DNAAF5: variants seen among roughly 807,000 people sequenced by gnomAD.
DNAAF5 encodes the protein HEAT repeat containing 2.
DNAAF5 carries 64 observed loss-of-function variants against 75.8 expected under a neutral mutation model. That is an observed-to-expected ratio of 0.84 (90% confidence interval 0.69 to 1.04). DNAAF5 has a LOEUF of 1.04. Among genes scored for constraint, DNAAF5 ranks in the 50% least tolerant of loss-of-function variants. The pLI is 0.00. For synonymous variants in DNAAF5, 657 were observed against 557.2 expected (o/e 1.18, Z -2.52); for missense variants, 1,269 against 1,178.5 (o/e 1.08, Z -1.12).
chr7:775,434 T>C (rs1460383067), intron 11 of DNAAF5, among the ~76,000 whole-genome samples: 2 of 151,948 alleles, frequency 1.3e-5, no homozygotes, highest in East Asian at 1.9e-4. Context: ...TAGTCCCAGC[T>C]ACTCAGGAAG....
intron 1 of DNAAF5, among the ~76,000 whole-genome samples, chr7:728,736 C>T (rs1239597776): frequency 2.0e-5 from 3 of 152,326 alleles, no homozygotes; most frequent in Non-Finnish European, 4.4e-5. Context: ...GCGCAGCCTG[C>T]TGGGGTATGT....
chr7:730,634 G>A (rs2128069426), intron 2 of DNAAF5, among the ~76,000 whole-genome samples: 1 of 152,308 alleles, frequency 6.6e-6, no homozygotes, highest in South Asian at 2.1e-4. Flanking sequence ...CTGTGCTGCT[G>A]GGGTCCACCC....
At position 754,868 on chromosome 7, in the gene DNAAF5, T is replaced by G. The variant is rs762999357; in HGVS notation, c.1257+47T>G. On this transcript the variant is annotated intron_variant, in intron 5 of 12. Coordinates refer to ENST00000297440, the MANE Select transcript of DNAAF5 (RefSeq NM_017802.4). This position sits in a 1 kb window ranked among gnomAD's most constrained non-coding sequence, Gnocchi z 4.8. ...GTGGTCGCGGAGCTGTAACTCGAGC[T>G]TAAGATCCCGCCTCTGTGGTGTGCG... is the stretch of plus-strand genomic sequence containing the variant. 7.1e-7 allele frequency: 1 copy of G among 1,399,142 alleles called. No homozygotes were observed. Among genetic ancestry groups the G allele is most frequent in the Non-Finnish European group, 9.8e-7 (1 of 1,018,922 alleles). 86.7% of individuals were successfully genotyped at this position (1,399,142 alleles called of 1,614,324 possible).
rs998571674 is a variant in DNAAF5 at position 735,129 on chromosome 7, G to A, written c.780+5282G>A. Among the ~76,000 whole-genome samples the A allele has an allele frequency of 1.4e-4, 21 of 151,228 alleles. No homozygotes were observed. In the East Asian group the frequency reaches 1.8e-3, roughly 13 times the overall value. ...TCATGGTGTAGCTGCTCACAGTGTC[G>A]CCACTCACGATGTCATTGCTCACGG... On this transcript the variant is annotated intron_variant, in intron 2 of 12. Coordinates refer to ENST00000297440, the MANE Select transcript of DNAAF5 (RefSeq NM_017802.4).
intron 11 of DNAAF5, chr7:778,673 G>C (rs1347260042): frequency 6.6e-6 from 1 of 152,334 alleles, no homozygotes; most frequent in Non-Finnish European, 1.5e-5. Context: ...GTTTGCTAGC[G>C]GGACAAGCTT....
intron 7 of DNAAF5, 91 bp downstream of exon 7, chr7:761,987 C>A: frequency 6.5e-6 from 1 of 152,708 alleles, no homozygotes; most frequent in Non-Finnish European, 1.0e-5. Context: ...CCTATGCATC[C>A]CCTCTGTGCT....
At chr7:751,774 A>G (rs1173599548) in intron 4 of DNAAF5, among the ~76,000 whole-genome samples, 2 of 152,008 alleles carry the variant, frequency 1.3e-5, no homozygotes, top group Admixed American at 6.6e-5. Context: ...GGGTTTCACC[A>G]TGTTAGTCAG....
chr7:741,300 C>A (rs1583482729), intron 3 of DNAAF5, 47 bp from the exon 4 acceptor site: 1 of 1,440,856 alleles, frequency 6.9e-7, no homozygotes. Flanking sequence ...GCGGCCTCCC[C>A]TGCGTGCCCT....
At chr7:728,311 G>T (rs1028868802) in intron 1 of DNAAF5, among the ~76,000 whole-genome samples, 1 of 152,224 alleles carries the variant, frequency 6.6e-6, no homozygotes, top group African/African-American at 2.4e-5. Flanking sequence ...CAGGAAAGCA[G>T]TGAGGGATCT....
At chr7:757,097 C>A in intron 6 of DNAAF5, 103 bp downstream of exon 6, 1 of 1,200,570 alleles carries the variant, frequency 8.3e-7, no homozygotes, top group Non-Finnish European at 1.2e-6. Flanking sequence ...TGCCGCCAGG[C>A]TGGGCTGTCG....
In DNAAF5 at chr7:754,701, G is replaced by A. The variant is rs764842852; in HGVS notation, c.1137G>A (p.Ser379=). ...GGGTGGTGGGGACCCGAGTGAAGTC[G>A]GCACAGCTGCTCCCAGTGCTGCTGC... The part of the protein sequence containing the change: ...TDWVVGTRVK[S]AQLLPVLLLH... The change falls in exon 5 of 13, where the codon TCG becomes TCA. Residue 379 remains serine, a synonymous_variant. Coordinates refer to ENST00000297440, the MANE Select transcript of DNAAF5 (RefSeq NM_017802.4). This position sits in a 1 kb window ranked among gnomAD's most constrained non-coding sequence, Gnocchi z 4.8. The A allele has an allele frequency of 5.6e-6, 9 of 1,613,962 alleles. No homozygotes were observed. The highest frequency in any genetic ancestry group is 4.4e-5 in the South Asian group (4 of 91,088).
intron 6 of DNAAF5, among the ~76,000 whole-genome samples, chr7:760,830 ACT>A (rs1782621751): frequency 6.6e-6 from 1 of 151,962 alleles, no homozygotes; most frequent in South Asian, 2.1e-4. Context: ...CAGAGCTGAG[ACT>A]CCACCTCCCC....
chr7:745,928 G>A (rs940879470), intron 4 of DNAAF5, among the ~76,000 whole-genome samples: 1 of 152,222 alleles, frequency 6.6e-6, no homozygotes, highest in Non-Finnish European at 1.5e-5. Flanking sequence ...AGTTATCCGT[G>A]CCGAGGCGTA....
At chr7:783,589 G>C (rs550992420) in intron 12 of DNAAF5, among the ~76,000 whole-genome samples, 2 of 152,214 alleles carry the variant, frequency 1.3e-5, no homozygotes, top group Non-Finnish European at 2.9e-5. Context: ...GGCGGGGCCC[G>C]TGGTCTCTCC....
chr7:785,903 T>C lies in DNAAF5; in HGVS notation c.*250T>C, dbSNP rs990276834. On this transcript the variant is annotated 3_prime_UTR_variant, in exon 13 of 13. Coordinates refer to ENST00000297440, the MANE Select transcript of DNAAF5 (RefSeq NM_017802.4). ...CAGCTGATTTGAAATTAAAAGTAAG[T>C]CGCAGCCGCTCCTCCCGCAGCCACT... is the stretch of plus-strand genomic sequence containing the variant. 5.0e-5 allele frequency: 23 copies of C among 458,568 alleles called. No individual in the cohort carries two copies. The highest frequency in any genetic ancestry group is 4.4e-4 in the African/African-American group (22 of 50,214). The allele number at this position is 458,568 out of a possible 1,614,324, so 28.4% of individuals were successfully genotyped here. A position where few individuals can be genotyped will look rare whatever the true frequency, so the allele number is the denominator to read the frequency against.
chr7:782,863 G>C (rs1779018991), intron 12 of DNAAF5, among the ~76,000 whole-genome samples: 1 of 151,992 alleles, frequency 6.6e-6, no homozygotes, highest in Non-Finnish European at 1.5e-5. Flanking sequence ...GACCTTCCTG[G>C]CGTGGCCGCG....
chr7:769,547 A>C (rs1562395897), intron 8 of DNAAF5, among the ~76,000 whole-genome samples: 1 of 152,044 alleles, frequency 6.6e-6, no homozygotes, highest in Non-Finnish European at 1.5e-5. Flanking sequence ...CAACGCTGAG[A>C]AGCAGATATT....
In DNAAF5 at chr7:726,868, T is replaced by C; in HGVS notation, c.148T>C (p.Leu50=). 1 of 1,320,270 alleles carries C rather than the reference T, an allele frequency of 7.6e-7. No individual in the cohort carries two copies. The highest frequency in any genetic ancestry group is 9.6e-7 in the Non-Finnish European group (1 of 1,037,694). 81.8% of individuals were successfully genotyped at this position (1,320,270 alleles called of 1,614,324 possible). Residue 50 remains leucine, a synonymous_variant, in exon 1 of 13, where the codon TTG becomes CTG. Coordinates refer to ENST00000297440, the MANE Select transcript of DNAAF5 (RefSeq NM_017802.4). ...ADSKPGRRRA[L]EALRRALEEP... ...CAGCAAGCCGGGCCGGCGGCGCGCCTTGGAGGCCCTGCGGCGCGCGCTGGA... is the reference window on the plus strand; with the variant it reads ...CAGCAAGCCGGGCCGGCGGCGCGCCCTGGAGGCCCTGCGGCGCGCGCTGGA...
intron 6 of DNAAF5, 38 bp downstream of exon 6, chr7:757,032 A>C: frequency 6.4e-7 from 1 of 1,556,740 alleles, no homozygotes. Flanking sequence ...GGAGAGGAGG[A>C]GCCTCCCCTG....
Sources: allele counts gnomAD v4.1 joint callset (sites outside exome capture counted in the v4.1 genomes callset), GRCh38; gene constraint gnomAD v4.1.1; non-coding constraint Gnocchi (gnomAD v3.1); transcripts MANE v1.5; gene names NCBI Gene and HGNC (gene_info 2026-07-23, HGNC 2026-07-21).